Variants in KSR2 observed in about 807,000 individuals in gnomAD.
The protein encoded by KSR2 is kinase suppressor of ras 2.
Under a neutral mutation model 107.8 loss-of-function variants are expected in KSR2, and 25 were observed. The observed-to-expected ratio is 0.23, with a 90% confidence interval of 0.17 to 0.32. The LOEUF (loss-of-function observed/expected upper bound fraction) is 0.32. Ranked by LOEUF, KSR2 falls within the 10% of genes least tolerant of loss-of-function variation. KSR2 has a pLI of 1.00. For missense variants in KSR2, 887 were observed against 1,268.9 expected (o/e 0.70, Z 4.57); for synonymous variants, 480 against 507.0 (o/e 0.95, Z 0.71).
chr12:117,732,260 G>A (rs1021437658), intron 4 of KSR2, among the ~76,000 whole-genome samples: 1 of 151,948 alleles, frequency 6.6e-6, no homozygotes, highest in African/African-American at 2.4e-5. Context: ...TAGAATGGGA[G>A]GGATGACTCG....
chr12:117,482,728 C>G (rs757039703), intron 16 of KSR2, among the ~76,000 whole-genome samples: 1 of 152,202 alleles, frequency 6.6e-6, no homozygotes, highest in Non-Finnish European at 1.5e-5. Context: ...AAAACTGAGT[C>G]TAAAGGAAGA....
intron 7 of KSR2, among the ~76,000 whole-genome samples, chr12:117,562,703 T>C (rs1392107589): frequency 6.6e-6 from 1 of 152,130 alleles, no homozygotes; most frequent in Non-Finnish European, 1.5e-5. Context: ...CTTGGCAATT[T>C]TTCCTCTCCA....
intron 5 of KSR2, among the ~76,000 whole-genome samples, chr12:117,586,328 T>G (rs1443123102): frequency 1.3e-5 from 2 of 152,150 alleles, no homozygotes; most frequent in African/African-American, 4.8e-5. Flanking sequence ...GACTCACACC[T>G]GTAATCACAA....
intron 5 of KSR2, among the ~76,000 whole-genome samples, chr12:117,610,878 T>C (rs1389744046): frequency 3.9e-5 from 6 of 152,184 alleles, no homozygotes; most frequent in Admixed American, 6.5e-5. Context: ...AGAAAAACCC[T>C]GGAGACATAT....
chr12:117,525,463 C>A (rs1875069936), intron 13 of KSR2, among the ~76,000 whole-genome samples: 1 of 152,122 alleles, frequency 6.6e-6, no homozygotes, highest in Non-Finnish European at 1.5e-5. Context: ...TGGGGGGATA[C>A]TGAGGCTCAG....
At chr12:117,485,451 C>T in intron 15 of KSR2, 144 bp downstream of exon 15, 1 of 601,752 alleles carries the variant, frequency 1.7e-6, no homozygotes, top group East Asian at 2.9e-5. Flanking sequence ...TGGCATTTTT[C>T]AGGTCAAGTC....
At chr12:117,580,016 T>A (rs816196) in intron 6 of KSR2, among the ~76,000 whole-genome samples, 91,136 of 152,036 alleles carry the variant, frequency 0.6, 29,076 homozygotes, top group African/African-American at 0.83. Flanking sequence ...GCCAGGTCAC[T>A]GTTAATTTTA....
chr12:117,748,174 A>T (rs1208760985), intron 4 of KSR2, among the ~76,000 whole-genome samples: 1 of 152,224 alleles, frequency 6.6e-6, no homozygotes, highest in Non-Finnish European at 1.5e-5. Context: ...AACCTGGAGG[A>T]TACCATGCTA....
intron 1 of KSR2, among the ~76,000 whole-genome samples, chr12:117,893,172 C>T (rs1328043227): frequency 2.0e-5 from 3 of 151,952 alleles, no homozygotes; most frequent in Non-Finnish European, 1.5e-5. Context: ...TGCATACCAC[C>T]ATGTCCGGCT....
At chr12:117,674,043 G>C (rs576891534) in intron 4 of KSR2, among the ~76,000 whole-genome samples, 1 of 152,302 alleles carries the variant, frequency 6.6e-6, no homozygotes, top group Admixed American at 6.5e-5. Context: ...CTGTGTTAGG[G>C]AAAGACACTC....
At chr12:117,793,733 ACT>A (rs1281917297) in intron 3 of KSR2, among the ~76,000 whole-genome samples, 25 of 145,658 alleles carry the variant, frequency 1.7e-4, no homozygotes, top group African/African-American at 6.5e-4. Flanking sequence ...ACCAGCATGC[ACT>A]CATACCATGC....
chr12:117,967,936 C>T, intron 1 of KSR2, 140 bp downstream of exon 1: 1 of 719,344 alleles, frequency 1.4e-6, no homozygotes, highest in Non-Finnish European at 2.3e-6. Flanking sequence ...ACCGTGCCCA[C>T]CTTGCTTGCC....
At chr12:117,594,161 T>C (rs1314745213) in intron 5 of KSR2, among the ~76,000 whole-genome samples, 1 of 152,184 alleles carries the variant, frequency 6.6e-6, no homozygotes, top group African/African-American at 2.4e-5. Flanking sequence ...CTCTAGTTAA[T>C]GTTCAGCGGA....
intron 4 of KSR2, among the ~76,000 whole-genome samples, chr12:117,684,934 G>GT (rs1455981121): frequency 1.3e-5 from 2 of 152,142 alleles, no homozygotes; most frequent in Non-Finnish European, 2.9e-5. Context: ...TTTTACAGAG[G>GT]TACCTGTGCA....
chr12:117,930,087 C>T (rs112387569), intron 1 of KSR2, among the ~76,000 whole-genome samples: 3 of 152,094 alleles, frequency 2.0e-5, no homozygotes, highest in African/African-American at 7.2e-5. Flanking sequence ...CTCTATCACC[C>T]AGGCTGGAGG....
At chr12:117,621,070 A>G (rs1882171121) in intron 5 of KSR2, among the ~76,000 whole-genome samples, 1 of 152,066 alleles carries the variant, frequency 6.6e-6, no homozygotes, top group Non-Finnish European at 1.5e-5. Context: ...TCGAATTGTA[A>G]TCCCCACGTG....
At chr12:117,544,579 A>G (rs1876726408) in intron 9 of KSR2, among the ~76,000 whole-genome samples, 2 of 151,770 alleles carry the variant, frequency 1.3e-5, no homozygotes, top group Non-Finnish European at 2.9e-5. Flanking sequence ...AGATCATACC[A>G]CTGCACTCCA....
At chr12:117,967,993 G>C (rs1190080190) in intron 1 of KSR2, 83 bp downstream of exon 1, 1 of 1,261,936 alleles carries the variant, frequency 7.9e-7, no homozygotes, top group Non-Finnish European at 1.1e-6. Context: ...GAGGGAAAGG[G>C]GACCGTGGGG....
intron 4 of KSR2, among the ~76,000 whole-genome samples, chr12:117,755,886 C>T (rs953378252): frequency 2.6e-5 from 4 of 152,154 alleles, no homozygotes; most frequent in Non-Finnish European, 5.9e-5. Flanking sequence ...AATAAAACAG[C>T]CTTATTGCTG....
Sources: allele counts gnomAD v4.1 joint callset (sites outside exome capture counted in the v4.1 genomes callset), GRCh38; gene constraint gnomAD v4.1.1; transcripts MANE v1.5; gene names NCBI Gene and HGNC (gene_info 2026-07-23, HGNC 2026-07-21).